GCA: variants seen among roughly 807,000 people sequenced by gnomAD.
GCA encodes the protein grancalcin, also known as grancalcin, EF-hand calcium-binding protein.
In GCA, 30 loss-of-function variants were observed where a neutral mutation model predicts 32.6. The observed-to-expected ratio is 0.92, with a 90% CI of 0.69 to 1.25. The LOEUF (loss-of-function observed/expected upper bound fraction) is 1.25, where lower values mean the gene tolerates loss of function less well. GCA is among the 50% of genes most tolerant of loss of function. The probability of loss-of-function intolerance (pLI) is 0.00; values close to 1 mark genes in which losing one functional copy is unlikely to be tolerated. For synonymous variants in GCA, 102 were observed against 84.6 expected, an observed-to-expected ratio of 1.21 and a Z score of -1.13; for missense variants, 291 against 266.8, an observed-to-expected ratio of 1.09 and a Z score of -0.63.
intron 4 of GCA, among the ~76,000 whole-genome samples, chr2:162,369,032 T>C (rs1685841575): frequency 6.6e-6 from 1 of 152,060 alleles, no homozygotes; most frequent in Non-Finnish European, 1.5e-5. Flanking sequence ...CCAGGTAACA[T>C]TATTTTTAGG....
chr2:162,372,850 G>A (rs1195230713), downstream of GCA, among the ~76,000 whole-genome samples: 1 of 151,958 alleles, frequency 6.6e-6, no homozygotes. Context: ...AATTCAAAAG[G>A]ACCCCTTTGA....
chr2:162,368,131 A>G (rs1046438584), intron 4 of GCA, among the ~76,000 whole-genome samples: 2 of 151,982 alleles, frequency 1.3e-5, no homozygotes, highest in Non-Finnish European at 2.9e-5. Flanking sequence ...GGCCAAGAAT[A>G]TGCATTTCTG....
At chr2:162,371,280 C>T in intron 4 of GCA, 2 of 1,240,804 alleles carry the variant, frequency 1.6e-6, no homozygotes, top group Non-Finnish European at 2.1e-6. Flanking sequence ...AGGTTTACAA[C>T]TCAAACTTTG....
chr2:162,355,532 C>T (rs190736883), intron 3 of GCA, among the ~76,000 whole-genome samples: 17 of 151,914 alleles, frequency 1.1e-4, no homozygotes, highest in African/African-American at 2.7e-4. Context: ...ACTGTACTAA[C>T]GTGATGTTTT....
Position 162,347,677 on chromosome 2 carries a change from T to C in GCA, c.127T>C (p.Tyr43His). The change falls in exon 2 of 8, where the codon TAT becomes CAT. Residue 43 changes from tyrosine (Y) to histidine (H), a missense_variant. Transcript: ENST00000437150. Reference protein sequence around the residue: ...ILLDGYSGPAYSDTYSSAGDS... With the variant: ...ILLDGYSGPAHSDTYSSAGDS... ...CCTCGATGGATACTCTGGGCCAGCATATTCAGACACTTATTCCTCAGCTGG... is the reference window on the plus strand; with the variant it reads ...CCTCGATGGATACTCTGGGCCAGCACATTCAGACACTTATTCCTCAGCTGG... The C allele has an allele frequency of 6.2e-7, 1 of 1,610,140 alleles. No homozygotes were observed. The highest frequency in any genetic ancestry group is 8.5e-7 in the Non-Finnish European group (1 of 1,177,276).
At position 162,359,071 on chromosome 2, in the gene GCA, C is replaced by A; in HGVS notation, c.482C>A (p.Thr161Asn). 1 of 1,589,314 alleles carries A rather than the reference C, an allele frequency of 6.3e-7. No individual in the cohort carries two copies. Among genetic ancestry groups the A allele is most frequent in the Non-Finnish European group, 8.6e-7 (1 of 1,159,440 alleles). ...MGYRLSPQTL[T>N]TIVKRYSKNG... ...TATAGGTTGAGTCCTCAAACATTAA[C>A]TACTATTGTTAAACGTTATAGCAAG... The change falls in exon 6 of 8, where the codon ACT becomes AAT. Residue 161 changes from threonine to asparagine, a missense_variant. Transcript: ENST00000437150.
rs971326804 is a variant in GCA at position 162,369,191 on chromosome 2, CA to C, written c.366-2114del. Among the ~76,000 whole-genome samples, 12 of 152,100 alleles carry C rather than the reference CA, an allele frequency of 7.9e-5. No individual in the cohort carries two copies. The East Asian group carries it at 1.4e-3, about 17-fold the overall frequency. On this transcript the variant is annotated intron_variant, in intron 4 of 4. Transcript: ENST00000414723. ...GTCAGACTGTTTTTGCAATAGCCAA[CA>C]GGGGGGATGATGGTACATTTAGGCA... is the stretch of plus-strand genomic sequence containing the variant.
intron 4 of GCA, 33 bp from the exon 5 acceptor site, chr2:162,356,725 A>G (rs1035891286): frequency 5.2e-6 from 8 of 1,525,634 alleles, no homozygotes; most frequent in East Asian, 2.3e-5. Context: ...AAACTCAGGT[A>G]TCAGAATTTA....
intron 2 of GCA, among the ~76,000 whole-genome samples, chr2:162,349,502 T>C (rs1030095519): frequency 6.6e-6 from 1 of 152,150 alleles, no homozygotes; most frequent in Admixed American, 6.5e-5. Context: ...TTTGGGAACA[T>C]CTTTTTAAGA....
At chr2:162,322,962 A>T (rs889671105) in intron 1 of GCA, among the ~76,000 whole-genome samples, 1 of 151,918 alleles carries the variant, frequency 6.6e-6, no homozygotes, top group Admixed American at 6.5e-5. Context: ...TTCTAGTTCT[A>T]GATCCCTGAG....
chr2:162,326,134 C>T (rs1053582854), intron 1 of GCA, among the ~76,000 whole-genome samples: 5 of 152,138 alleles, frequency 3.3e-5, no homozygotes, highest in Non-Finnish European at 7.3e-5. Flanking sequence ...TTGCAGCCTT[C>T]CCTGAGACAG....
chr2:162,360,129 A>T, intron 7 of GCA, 88 bp from the exon 8 acceptor site: 1 of 811,060 alleles, frequency 1.2e-6, no homozygotes, highest in Non-Finnish European at 2.0e-6. Context: ...TTTCTCTCTT[A>T]AGAAAATGCT....
chr2:162,321,923 T>C lies in GCA; in HGVS notation c.-31+2698T>C, dbSNP rs368321590. 1.4e-3 allele frequency among the ~76,000 whole-genome samples: 123 copies of C among 87,856 alleles called. 2 individuals carry two copies. Among genetic ancestry groups the C allele is most frequent in the African/African-American group, 7.6e-3 (117 of 15,310 alleles). The allele number at this position is 87,856 out of a possible 152,430, so 57.6% of individuals were successfully genotyped here. A position where few individuals can be genotyped will look rare whatever the true frequency, so the allele number is the denominator to read the frequency against. The stretch of plus-strand genomic sequence containing the variant: ...ATATATATATATATATATATATATA[T>C]ATATATATATACACACATACATATA... On this transcript the variant is annotated intron_variant, in intron 1 of 4. Coordinates refer to the GCA transcript ENST00000429691.
chr2:162,364,130 C>T (rs952770087), downstream of GCA, among the ~76,000 whole-genome samples: 8 of 151,092 alleles, frequency 5.3e-5, no homozygotes, highest in Non-Finnish European at 1.0e-4. Context: ...TGAGAGGTAC[C>T]CCAATGTTTT....
chr2:162,321,038 A>G (rs1433562743), intron 1 of GCA, among the ~76,000 whole-genome samples: 1 of 152,158 alleles, frequency 6.6e-6, no homozygotes, highest in Admixed American at 6.5e-5. Flanking sequence ...GATGAGGATT[A>G]GGTGTGGGTG....
intron 1 of GCA, among the ~76,000 whole-genome samples, chr2:162,335,790 G>T (rs1472438255): frequency 1.3e-5 from 2 of 152,270 alleles, no homozygotes; most frequent in African/African-American, 4.8e-5. Context: ...ATGTCATACT[G>T]TCAACAAATG....
At chr2:162,359,017 A>G in intron 5 of GCA, 27 bp from the exon 6 acceptor site, 1 of 1,066,252 alleles carries the variant, frequency 9.4e-7, no homozygotes, top group East Asian at 2.4e-5. Flanking sequence ...ATTTACATTT[A>G]GAAGTTTTAA....
intron 1 of GCA, 51 bp downstream of exon 1, chr2:162,344,326 C>G: frequency 6.3e-7 from 1 of 1,588,336 alleles, no homozygotes; most frequent in Non-Finnish European, 8.6e-7. Context: ...GGTGTGGCGC[C>G]CCCGGGGGCG....
At chr2:162,370,839 C>T (rs1241772935) in intron 4 of GCA, among the ~76,000 whole-genome samples, 1 of 152,158 alleles carries the variant, frequency 6.6e-6, no homozygotes, top group Non-Finnish European at 1.5e-5. Context: ...TCAAGGCCTG[C>T]TGCACTCTTG....
Sources: gnomAD v4.1 joint callset for allele counts (sites outside exome capture counted in the v4.1 genomes callset) on GRCh38, gnomAD v4.1.1 for gene constraint, MANE v1.5 for transcripts, NCBI Gene and HGNC (gene_info 2026-07-23, HGNC 2026-07-21) for gene names.